Variants in ARHGAP20 observed in about 807,000 individuals in gnomAD.
ARHGAP20 encodes the protein rho GTPase-activating protein 20.
Under a neutral mutation model 73.7 loss-of-function variants are expected in ARHGAP20, and 34 were observed. The observed-to-expected ratio is 0.46, with a 90% CI of 0.35 to 0.61. ARHGAP20 has a LOEUF of 0.61. Among genes scored for constraint, ARHGAP20 ranks in the 20% least tolerant of loss-of-function variants. ARHGAP20 has a pLI of 0.00. For missense variants in ARHGAP20, 1,314 were observed against 1,420.9 expected, an observed-to-expected ratio of 0.92 and a Z score of 1.21; for synonymous variants, 523 against 518.2, an observed-to-expected ratio of 1.01 and a Z score of -0.13.
At chr11:110,655,152 C>T (rs2135024918) in intron 2 of ARHGAP20, among the ~76,000 whole-genome samples, 1 of 152,272 alleles carries the variant, frequency 6.6e-6, no homozygotes, top group South Asian at 2.1e-4. Context: ...TGGGAGAAAG[C>T]CTTCTCCTGG....
Position 110,611,321 on chromosome 11 carries a change from C to G in ARHGAP20, c.696G>C (p.Met232Ile). 1 of 1,557,340 alleles carries G rather than the reference C, an allele frequency of 6.4e-7. No individual in the cohort carries two copies. Among genetic ancestry groups the G allele is most frequent in the East Asian group, 2.4e-5 (1 of 42,548 alleles). Residue 232 changes from methionine (M) to isoleucine (I), a missense_variant, in exon 7 of 15, where the codon ATG becomes ATC. Met to Ile is a conservative substitution (Grantham distance 10, BLOSUM62 1). This residue lies in a region of ARHGAP20 where 443 missense variants were observed against 466.4 expected (regional missense o/e 0.95). Coordinates refer to ENST00000683387, the MANE Select transcript of ARHGAP20 (RefSeq NM_001384657.1). ...ANEVINMSLP[M>I]LGITGSERDY... ...CAGAATAACTTACAGTTATCCCTAG[C>G]ATTGGTAATGACATGTTGATAACTT...
rs543508816 is a variant in ARHGAP20 at position 110,707,571 on chromosome 11, T to A, written c.105+4556A>T. On this transcript the variant is annotated intron_variant, in intron 1 of 14. Coordinates refer to ENST00000683387, the MANE Select transcript of ARHGAP20 (RefSeq NM_001384657.1). ...AAAGTGAGTGATCTAGCTAGGCAAT[T>A]CTGCTTGAGATTAAAATAATAAATG... 3.4e-4 allele frequency among the ~76,000 whole-genome samples: 51 copies of A among 152,226 alleles called. No homozygotes were observed. The South Asian group carries it at 0.011, about 32-fold the overall frequency.
chr11:110,622,771 G>C, intron 4 of ARHGAP20, among the ~76,000 whole-genome samples: 1 of 152,126 alleles, frequency 6.6e-6, no homozygotes, highest in East Asian at 1.9e-4. Flanking sequence ...AAAGGTTTTT[G>C]GGAGGAAGAT....
chr11:110,604,937 C>T (rs1276111385), intron 9 of ARHGAP20, among the ~76,000 whole-genome samples: 2 of 152,100 alleles, frequency 1.3e-5, no homozygotes, highest in Non-Finnish European at 2.9e-5. Flanking sequence ...GAATGCTGCA[C>T]AGAAACAAAG....
intron 2 of ARHGAP20, among the ~76,000 whole-genome samples, chr11:110,637,755 A>G (rs1056306408): frequency 1.1e-4 from 16 of 152,200 alleles, no homozygotes; most frequent in African/African-American, 3.6e-4. Flanking sequence ...GCAGGAGCAC[A>G]AAAAAGCAAA....
chr11:110,662,896 A>G (rs1448822074), intron 2 of ARHGAP20, among the ~76,000 whole-genome samples: 1 of 152,016 alleles, frequency 6.6e-6, no homozygotes, highest in Non-Finnish European at 1.5e-5. Context: ...AGTAGGAAAT[A>G]TACAAGATGA....
At chr11:110,628,530 A>C (rs326946) in intron 3 of ARHGAP20, among the ~76,000 whole-genome samples, 38,824 of 151,582 alleles carry the variant, frequency 0.26, 7,226 homozygotes, top group African/African-American at 0.53. Flanking sequence ...TAATAATAAT[A>C]ATCATCATCA....
In ARHGAP20 at chr11:110,580,220, A is replaced by G. The variant is rs1490204576; in HGVS notation, c.2726T>C (p.Val909Ala). ...INQSLVMGIE[V>A]GKSSATNQNT... ...TTGGTTTGTGGCACTACTCTTGCCC[A>G]CCTCAATCCCCATGACTAAACTCTG... Residue 909 changes from valine (V) to alanine (A), a missense_variant, in exon 15 of 15, where the codon GTG (valine) becomes GCG (alanine). Val to Ala is a moderately conservative substitution (Grantham distance 64). Coordinates refer to ENST00000683387, the MANE Select transcript of ARHGAP20 (RefSeq NM_001384657.1). 6.2e-7 allele frequency: 1 copy of G among 1,614,206 alleles called. No homozygotes were observed. The highest frequency in any genetic ancestry group is 1.1e-5 in the South Asian group (1 of 91,080).
intron 2 of ARHGAP20, among the ~76,000 whole-genome samples, chr11:110,664,196 A>G (rs1448035345): frequency 1.3e-5 from 2 of 152,152 alleles, no homozygotes; most frequent in African/African-American, 4.8e-5. Context: ...TCAGGCAAGG[A>G]AAGGAAATAA....
chr11:110,597,530 C>G (rs1191938908), intron 9 of ARHGAP20, among the ~76,000 whole-genome samples: 1 of 151,998 alleles, frequency 6.6e-6, no homozygotes, highest in Non-Finnish European at 1.5e-5. Flanking sequence ...ACTATGTTTG[C>G]CCAGGCTAGT....
chr11:110,681,655 G>A (rs925224068), intron 2 of ARHGAP20, among the ~76,000 whole-genome samples: 11 of 152,146 alleles, frequency 7.2e-5, no homozygotes, highest in African/African-American at 2.4e-4. Flanking sequence ...CATGACAGAG[G>A]AAAAAGGAAG....
Position 110,619,360 on chromosome 11 carries a change from G to A in ARHGAP20, c.504-3766C>T, listed in dbSNP as rs192018875. Among the ~76,000 whole-genome samples the A allele has an allele frequency of 3.9e-3, 591 of 151,538 alleles. 6 individuals carry two copies. Among genetic ancestry groups the A allele is most frequent in the African/African-American group, 0.013 (553 of 41,286 alleles). ...TATGCAGTGATAGAGTATATGTAGTGATAGCATATATGTAGAGTATATGCA... is the reference window on the plus strand; with the variant it reads ...TATGCAGTGATAGAGTATATGTAGTAATAGCATATATGTAGAGTATATGCA... On this transcript the variant is annotated intron_variant, in intron 4 of 14. Transcript: ENST00000683387.
intron 2 of ARHGAP20, among the ~76,000 whole-genome samples, chr11:110,636,884 T>C (rs1948979875): frequency 6.6e-6 from 1 of 151,954 alleles, no homozygotes; most frequent in Non-Finnish European, 1.5e-5. Context: ...AGTATGGAAA[T>C]GGGGAAAGGG....
intron 2 of ARHGAP20, among the ~76,000 whole-genome samples, chr11:110,670,833 T>G (rs1949813511): frequency 6.6e-6 from 1 of 151,986 alleles, no homozygotes; most frequent in Non-Finnish European, 1.5e-5. Flanking sequence ...AAATCCCAAT[T>G]GGAGAACATT....
At chr11:110,693,243 A>G (rs1219275057) in intron 1 of ARHGAP20, among the ~76,000 whole-genome samples, 1 of 151,914 alleles carries the variant, frequency 6.6e-6, no homozygotes. Flanking sequence ...AGAGAATGCA[A>G]TCAAACTACC....
chr11:110,691,655 C>T (rs530688148), intron 1 of ARHGAP20, among the ~76,000 whole-genome samples: 1 of 152,246 alleles, frequency 6.6e-6, no homozygotes, highest in East Asian at 1.9e-4. Context: ...AAGAAAGAAT[C>T]ATCCAGTGAG....
At chr11:110,635,088 T>C (rs1271613552) in intron 2 of ARHGAP20, among the ~76,000 whole-genome samples, 2 of 152,104 alleles carry the variant, frequency 1.3e-5, no homozygotes, top group Non-Finnish European at 2.9e-5. Flanking sequence ...ATCAGAATTA[T>C]GGCTTATCTA....
At position 110,712,089 on chromosome 11, in the gene ARHGAP20, G is replaced by GGAA. The variant is rs768172389; in HGVS notation, c.105+37_105+38insTTC. Reference sequence around the variant, plus strand: ...GGCGCGCGCCGGCAGTGGGGGCTGCGGCGGCGGAGGGCACGGGCCCCCGCT... The same window carrying GGAA: ...GGCGCGCGCCGGCAGTGGGGGCTGCGGAAGCGGCGGAGGGCACGGGCCCCCGCT... On this transcript the variant is annotated intron_variant, in intron 1 of 14. Transcript: ENST00000683387. 3.2e-5 allele frequency: 40 copies of GGAA among 1,266,928 alleles called. No individual in the cohort carries two copies. In the African/African-American group the frequency reaches 5.1e-4, roughly 16 times the overall value. 78.5% of individuals were successfully genotyped at this position (1,266,928 alleles called of 1,614,324 possible). A position where few individuals can be genotyped will look rare whatever the true frequency, so the allele number is the denominator to read the frequency against.
chr11:110,583,648 T>C lies in ARHGAP20; in HGVS notation c.1505A>G (p.Asn502Ser), dbSNP rs1160985909. Reference sequence around the variant, plus strand: ...AGCTAAATTAAATGCAGTCATCTGATTGGATGAGGAATGTTGCTCAATGTT... The same window carrying C: ...AGCTAAATTAAATGCAGTCATCTGACTGGATGAGGAATGTTGCTCAATGTT... ...LHNIEQHSSS[N>S]QMTAFNLAVC... is the part of the protein sequence containing the mutation. Residue 502 changes from asparagine (N) to serine (S), a missense_variant, in exon 13 of 15, where the codon AAT becomes AGT. Coordinates refer to ENST00000683387, the MANE Select transcript of ARHGAP20 (RefSeq NM_001384657.1). The C allele has an allele frequency of 5.0e-6, 8 of 1,613,114 alleles. No individual in the cohort carries two copies. Among genetic ancestry groups the C allele is most frequent in the East Asian group, 2.2e-5 (1 of 44,844 alleles).
Sources: gnomAD v4.1 joint callset for allele counts (sites outside exome capture counted in the v4.1 genomes callset) on GRCh38, gnomAD v4.1.1 for gene constraint, gnomAD v4.1.1 regional missense constraint, MANE v1.5 for transcripts, NCBI Gene and HGNC (gene_info 2026-07-23, HGNC 2026-07-21) for gene names.